The following KCNMA1 variants were observed in gnomAD, a reference collection of about 807,000 sequenced individuals.
KCNMA1 encodes the protein Calcium-activated potassium channel subunit alpha-1.
In KCNMA1, 29 loss-of-function variants were observed where a neutral mutation model predicts 140.0. The observed-to-expected ratio is 0.21, with a 90% CI of 0.15 to 0.28. KCNMA1 has a LOEUF of 0.28. KCNMA1 is among the 10% of genes least tolerant of loss of function. The pLI is 1.00. For missense variants in KCNMA1, 880 were observed against 1,602.2 expected (o/e 0.55, Z 7.70); for synonymous variants, 612 against 611.9 (o/e 1.00, Z 0.00).
At chr10:77,439,048 GCGA>G (rs1382150848) in intron 1 of KCNMA1, among the ~76,000 whole-genome samples, 1 of 150,640 alleles carries the variant, frequency 6.6e-6, no homozygotes, top group East Asian at 2.0e-4. Flanking sequence ...TCCAGCCTGG[GCGA>G]CAGAGCGAGA....
chr10:77,214,796 C>T (rs572684739), intron 3 of KCNMA1, among the ~76,000 whole-genome samples: 1 of 152,160 alleles, frequency 6.6e-6, no homozygotes, highest in South Asian at 2.1e-4. Flanking sequence ...CATCTCCTTG[C>T]CCTGTGTGTG....
intron 2 of KCNMA1, among the ~76,000 whole-genome samples, chr10:77,341,579 C>T (rs930686617): frequency 1.3e-5 from 2 of 152,166 alleles, no homozygotes; most frequent in Non-Finnish European, 2.9e-5. Flanking sequence ...GTTCCTTAGA[C>T]GTGGGTCCCC....
At chr10:77,273,136 T>G (rs2065646157) in intron 2 of KCNMA1, among the ~76,000 whole-genome samples, 1 of 152,204 alleles carries the variant, frequency 6.6e-6, no homozygotes, top group South Asian at 2.1e-4. Context: ...TAGCTGTAAA[T>G]AAGTCCTCAA....
chr10:77,295,844 T>TGGG (rs1217817577), intron 2 of KCNMA1, among the ~76,000 whole-genome samples: 5 of 95,182 alleles, frequency 5.3e-5, no homozygotes, highest in African/African-American at 2.0e-4. Flanking sequence ...GAAGGAAAAA[T>TGGG]GGGGCATTAG....
chr10:76,892,999 G>A (rs1025551224), intron 25 of KCNMA1, among the ~76,000 whole-genome samples: 6 of 152,154 alleles, frequency 3.9e-5, no homozygotes, highest in African/African-American at 1.2e-4. Context: ...TATGCTCAGA[G>A]TTAAGATATG....
chr10:77,312,400 C>A (rs533465521), intron 2 of KCNMA1, among the ~76,000 whole-genome samples: 4 of 152,122 alleles, frequency 2.6e-5, no homozygotes, highest in Non-Finnish European at 4.4e-5. Flanking sequence ...CCAAGGCAGG[C>A]GGATCACCTG....
At chr10:77,344,434 G>T (rs144573747) in intron 2 of KCNMA1, among the ~76,000 whole-genome samples, 77 of 152,288 alleles carry the variant, frequency 5.1e-4, no homozygotes, top group African/African-American at 1.8e-3. Context: ...ATGAAAAGAT[G>T]AATGCATTTG....
At chr10:77,169,407 T>A (rs78993858) in intron 5 of KCNMA1, among the ~76,000 whole-genome samples, 3 of 152,014 alleles carry the variant, frequency 2.0e-5, no homozygotes, top group South Asian at 2.1e-4. Flanking sequence ...ATTTTTTTTT[T>A]AAGATGGGAT....
At chr10:77,491,439 G>T (rs950923073) in intron 1 of KCNMA1, among the ~76,000 whole-genome samples, 1 of 152,110 alleles carries the variant, frequency 6.6e-6, no homozygotes, top group Non-Finnish European at 1.5e-5. Flanking sequence ...CCCACGGCGT[G>T]CTATTATTAC....
chr10:77,260,222 G>T (rs2154264772), intron 2 of KCNMA1, among the ~76,000 whole-genome samples: 1 of 152,302 alleles, frequency 6.6e-6, no homozygotes, highest in East Asian at 1.9e-4. Flanking sequence ...CAAAGGGGAT[G>T]GGGGGAGCTG....
chr10:77,177,510 T>C (rs976026729), intron 5 of KCNMA1, among the ~76,000 whole-genome samples: 1 of 150,632 alleles, frequency 6.6e-6, no homozygotes, highest in Non-Finnish European at 1.5e-5. Context: ...TTTTCTTTTC[T>C]TTTTTCTTTT....
intron 1 of KCNMA1, among the ~76,000 whole-genome samples, chr10:77,436,969 C>T (rs1378796238): frequency 6.8e-6 from 1 of 147,934 alleles, no homozygotes; most frequent in Admixed American, 6.6e-5. Flanking sequence ...CACACACACA[C>T]ACACACACAC....
In KCNMA1 at chr10:77,375,122, G is replaced by C. The variant is rs189102700; in HGVS notation, c.540+28740C>G. ...CCCCAAGGGCAGAGAAAGTGGTGAAGGTCACAGAAAAGGCATGGAGCTGTG... is the reference window on the plus strand; with the variant it reads ...CCCCAAGGGCAGAGAAAGTGGTGAACGTCACAGAAAAGGCATGGAGCTGTG... On this transcript the variant is annotated intron_variant, in intron 2 of 27. Coordinates refer to ENST00000286628, the MANE Select transcript of KCNMA1 (RefSeq NM_001161352.2). 1.1e-4 allele frequency among the ~76,000 whole-genome samples: 16 copies of C among 152,302 alleles called. No individual in the cohort carries two copies. The East Asian group carries it at 2.9e-3, about 28-fold the overall frequency.
rs935146975 is a variant in KCNMA1 at position 77,464,295 on chromosome 10, C to T, written c.379-60272G>A. Among the ~76,000 whole-genome samples the T allele has an allele frequency of 2.6e-5, 4 of 152,034 alleles. No homozygotes were observed. The East Asian group carries it at 7.7e-4, about 29-fold the overall frequency. ...TGCAGGCCTCGGAAGCATGGGAGGG[C>T]CTTTACAGAAAAACGTTTCCATTTT... On this transcript the variant is annotated intron_variant, in intron 1 of 27. Transcript: ENST00000286628.
At chr10:77,462,481 G>T (rs375335138) in intron 1 of KCNMA1, among the ~76,000 whole-genome samples, 3 of 152,048 alleles carry the variant, frequency 2.0e-5, no homozygotes, top group African/African-American at 7.3e-5. Context: ...ATACATACAC[G>T]TAAACATACA....
intron 1 of KCNMA1, among the ~76,000 whole-genome samples, chr10:77,561,056 C>T (rs922123686): frequency 1.7e-4 from 5 of 29,964 alleles, no homozygotes; most frequent in Non-Finnish European, 5.1e-4. Flanking sequence ...TGTATGGAAA[C>T]ACTTTTTTTT....
At chr10:76,892,371 C>G (rs535313193) in intron 25 of KCNMA1, among the ~76,000 whole-genome samples, 1 of 152,076 alleles carries the variant, frequency 6.6e-6, no homozygotes. Context: ...AAGTTTCCCT[C>G]TAAGTGTACA....
intron 1 of KCNMA1, among the ~76,000 whole-genome samples, chr10:77,425,218 C>T (rs1327250780): frequency 1.3e-5 from 2 of 152,196 alleles, no homozygotes; most frequent in Non-Finnish European, 2.9e-5. Flanking sequence ...TCTATAAACA[C>T]ATTGCCCCGA....
At chr10:77,441,257 CAT>C (rs2154513311) in intron 1 of KCNMA1, among the ~76,000 whole-genome samples, 1 of 152,180 alleles carries the variant, frequency 6.6e-6, no homozygotes, top group Non-Finnish European at 1.5e-5. Flanking sequence ...AATAGGGAGT[CAT>C]AGAGGAATTT....
Sources: allele counts gnomAD v4.1 joint callset (sites outside exome capture counted in the v4.1 genomes callset), GRCh38; gene constraint gnomAD v4.1.1; transcripts MANE v1.5; gene names NCBI Gene and HGNC (gene_info 2026-07-23, HGNC 2026-07-21).